Variants in KHDRBS2 observed in about 807,000 individuals in gnomAD.
KHDRBS2 encodes KH domain-containing, RNA-binding, signal transduction-associated protein 2.
In KHDRBS2, 26 loss-of-function variants were observed where a neutral mutation model predicts 44.3. The observed-to-expected ratio is 0.59, with a 90% CI of 0.43 to 0.81. The LOEUF (loss-of-function observed/expected upper bound fraction) is 0.81, where lower values mean the gene tolerates loss of function less well. Among genes scored for constraint, KHDRBS2 ranks in the 40% least tolerant of loss-of-function variants. The pLI, the probability that KHDRBS2 is intolerant of heterozygous loss-of-function variation, is 0.00. For missense variants in KHDRBS2, 476 were observed against 433.1 expected (o/e 1.10, Z -0.88); for synonymous variants, 194 against 151.1 (o/e 1.28, Z -2.08).
At chr6:61,770,420 A>G (rs1780683210) in intron 6 of KHDRBS2, among the ~76,000 whole-genome samples, 1 of 152,202 alleles carries the variant, frequency 6.6e-6, no homozygotes, top group Admixed American at 6.5e-5. Context: ...CCAACGGCAA[A>G]GAAGTTAAAA....
At chr6:61,908,495 G>A (rs1198274038) in intron 4 of KHDRBS2, among the ~76,000 whole-genome samples, 2 of 151,858 alleles carry the variant, frequency 1.3e-5, no homozygotes, top group Admixed American at 6.6e-5. Context: ...TTAGCCGGGC[G>A]TGGTGGTGAG....
chr6:61,868,501 C>T (rs757498590), intron 6 of KHDRBS2, among the ~76,000 whole-genome samples: 38 of 152,300 alleles, frequency 2.5e-4, no homozygotes, highest in South Asian at 8.3e-4. Context: ...CCATAGAATA[C>T]GGGCAAGGGT....
chr6:61,558,944 G>A, the KHDRBS2 span, among the ~76,000 whole-genome samples: 1 of 152,074 alleles, frequency 6.6e-6, no homozygotes, highest in Non-Finnish European at 1.5e-5. Flanking sequence ...TTTGGTCTTA[G>A]TGTAGATTAA....
intron 3 of KHDRBS2, among the ~76,000 whole-genome samples, chr6:62,005,839 G>A (rs1405785442): frequency 2.0e-5 from 3 of 151,686 alleles, no homozygotes; most frequent in Admixed American, 2.0e-4. Flanking sequence ...AATGAAAATA[G>A]CAAAACCAGT....
At chr6:61,969,398 G>A (rs1770841948) in intron 4 of KHDRBS2, among the ~76,000 whole-genome samples, 1 of 151,956 alleles carries the variant, frequency 6.6e-6, no homozygotes, top group Non-Finnish European at 1.5e-5. Flanking sequence ...TTTATGCAGT[G>A]GGTTTCTTTT....
intron 6 of KHDRBS2, among the ~76,000 whole-genome samples, chr6:61,892,846 G>A (rs546321826): frequency 6.6e-6 from 1 of 152,216 alleles, no homozygotes. Context: ...GCATGGGCAA[G>A]GACTTCATGT....
At chr6:61,625,254 T>C in the KHDRBS2 span, among the ~76,000 whole-genome samples, 1 of 151,508 alleles carries the variant, frequency 6.6e-6, no homozygotes, top group Non-Finnish European at 1.5e-5. Flanking sequence ...TGGGACTAAC[T>C]ACAGAGATGG....
chr6:61,994,331 C>T (rs1776769571), intron 3 of KHDRBS2, among the ~76,000 whole-genome samples: 1 of 152,068 alleles, frequency 6.6e-6, no homozygotes, highest in Non-Finnish European at 1.5e-5. Flanking sequence ...CTTTCAAGAC[C>T]AGCATGAATT....
chr6:61,719,117 C>A (rs1310128638), intron 7 of KHDRBS2, among the ~76,000 whole-genome samples: 2 of 152,088 alleles, frequency 1.3e-5, no homozygotes, highest in Non-Finnish European at 2.9e-5. Flanking sequence ...TCACCTGATA[C>A]ATTATTTAAG....
chr6:61,810,646 G>A (rs1160667874), intron 6 of KHDRBS2, among the ~76,000 whole-genome samples: 4 of 152,002 alleles, frequency 2.6e-5, no homozygotes, highest in Non-Finnish European at 5.9e-5. Context: ...TATCAAATAT[G>A]TACTGCTTAT....
chr6:61,938,489 T>G (rs1811470358), intron 4 of KHDRBS2, among the ~76,000 whole-genome samples: 1 of 152,136 alleles, frequency 6.6e-6, no homozygotes, highest in Non-Finnish European at 1.5e-5. Flanking sequence ...AGTACTTTAT[T>G]TTTCAGATTT....
intron 3 of KHDRBS2, among the ~76,000 whole-genome samples, chr6:62,000,944 A>G (rs1162307234): frequency 2.6e-5 from 4 of 152,222 alleles, no homozygotes; most frequent in African/African-American, 9.6e-5. Flanking sequence ...TTTAGTTGAC[A>G]TACAAATAGT....
intron 6 of KHDRBS2, among the ~76,000 whole-genome samples, chr6:61,853,480 T>G (rs1392182970): frequency 6.6e-6 from 1 of 152,198 alleles, no homozygotes; most frequent in Admixed American, 6.5e-5. Flanking sequence ...GGAAATGTAC[T>G]AAAATCTTAA....
At chr6:62,267,804 T>C (rs1441626447) in intron 1 of KHDRBS2, among the ~76,000 whole-genome samples, 2 of 152,054 alleles carry the variant, frequency 1.3e-5, no homozygotes, top group African/African-American at 4.8e-5. Flanking sequence ...TTCAAATCTA[T>C]CAACTACTAC....
chr6:62,118,922 G>A (rs1335517126), intron 2 of KHDRBS2, among the ~76,000 whole-genome samples: 1 of 152,146 alleles, frequency 6.6e-6, no homozygotes, highest in Non-Finnish European at 1.5e-5. Context: ...CCGGCTTGCA[G>A]ACAGATGACC....
At chr6:62,245,811 T>C (rs1835453165) in intron 1 of KHDRBS2, among the ~76,000 whole-genome samples, 1 of 152,042 alleles carries the variant, frequency 6.6e-6, no homozygotes, top group South Asian at 2.1e-4. Flanking sequence ...TCAGCCTTTT[T>C]GGATCTTCTC....
intron 2 of KHDRBS2, among the ~76,000 whole-genome samples, chr6:62,093,451 G>C (rs1377822457): frequency 6.6e-6 from 1 of 151,792 alleles, no homozygotes. Context: ...TAATTAGCAT[G>C]TCCATCACCT....
rs1166856860 is a variant in KHDRBS2 at position 61,945,100 on chromosome 6, A to ATATAT, written c.483+32965_483+32966insATATA. On this transcript the variant is annotated intron_variant, in intron 4 of 8. Transcript: ENST00000281156. ...AGTGAGACTCTGTCTTAAAAAAAAA[A>ATATAT]AAAAAAAAAAAAGTATATATATATA... Among the ~76,000 whole-genome samples, 357 of 52,454 alleles carry ATATAT rather than the reference A, an allele frequency of 6.8e-3. 7 individuals are homozygous for ATATAT. The highest frequency in any genetic ancestry group is 0.012 in the African/African-American group (180 of 15,268). The allele number at this position is 52,454 out of a possible 152,430, so 34.4% of individuals were successfully genotyped here.
intron 1 of KHDRBS2, among the ~76,000 whole-genome samples, chr6:62,205,841 T>G (rs957623722): frequency 1.3e-5 from 2 of 152,116 alleles, no homozygotes; most frequent in African/African-American, 4.8e-5. Context: ...ACTTTGTGAT[T>G]ATATTAACTG....
Sources: gnomAD v4.1 joint callset for allele counts (sites outside exome capture counted in the v4.1 genomes callset) on GRCh38, gnomAD v4.1.1 for gene constraint, MANE v1.5 for transcripts, NCBI Gene and HGNC (gene_info 2026-07-23, HGNC 2026-07-21) for gene names.